OSBPL2: variants seen among roughly 807,000 people sequenced by gnomAD.
The protein encoded by OSBPL2 is oxysterol-binding protein-related protein 2.
Under a neutral mutation model 58.4 loss-of-function variants are expected in OSBPL2, and 18 were observed. The observed-to-expected ratio is 0.31, with a 90% CI of 0.21 to 0.46. The LOEUF (loss-of-function observed/expected upper bound fraction) is 0.46. Among genes scored for constraint, OSBPL2 ranks in the 20% least tolerant of loss-of-function variants. The pLI is 1.00. For missense variants in OSBPL2, 461 were observed against 616.5 expected (o/e 0.75, Z 2.67); for synonymous variants, 221 against 234.1 (o/e 0.94, Z 0.51).
At chr20:62,275,877 C>T (rs1982355986) in intron 6 of OSBPL2, among the ~76,000 whole-genome samples, 3 of 150,042 alleles carry the variant, frequency 2.0e-5, no homozygotes, top group South Asian at 2.1e-4. Context: ...TTTTGGGGCC[C>T]TTTATTGTAT....
chr20:62,267,812 C>A (rs1397004158), intron 4 of OSBPL2, among the ~76,000 whole-genome samples: 1 of 152,206 alleles, frequency 6.6e-6, no homozygotes, highest in Non-Finnish European at 1.5e-5. Flanking sequence ...GCTGAGACAG[C>A]ACATGTCTGT....
chr20:62,272,339 C>T (rs1982118359), intron 5 of OSBPL2, 80 bp downstream of exon 5: 1 of 1,521,932 alleles, frequency 6.6e-7, no homozygotes, highest in African/African-American at 1.4e-5. Flanking sequence ...TCTTGGGGCC[C>T]CAGGCATCTG....
chr20:62,241,132 C>T (rs891554182), intron 1 of OSBPL2, among the ~76,000 whole-genome samples: 6 of 152,076 alleles, frequency 3.9e-5, no homozygotes, highest in Non-Finnish European at 8.8e-5. Context: ...CCCAGTGTCT[C>T]TCCTCTGTGC....
At chr20:62,255,044 C>T (rs910722196) in intron 1 of OSBPL2, 2 of 151,670 alleles carry the variant, frequency 1.3e-5, no homozygotes, top group East Asian at 1.9e-4. Context: ...GTTTGAACCT[C>T]GGATGCTGAA....
intron 11 of OSBPL2, among the ~76,000 whole-genome samples, chr20:62,287,464 C>G (rs1983208784): frequency 6.6e-6 from 1 of 152,108 alleles, no homozygotes; most frequent in African/African-American, 2.4e-5. Context: ...ATGCTATTTT[C>G]TTTTTTAATA....
At chr20:62,275,225 G>A (rs1270173428) in intron 6 of OSBPL2, among the ~76,000 whole-genome samples, 1 of 152,186 alleles carries the variant, frequency 6.6e-6, no homozygotes, top group Non-Finnish European at 1.5e-5. Context: ...GGAACTGTCA[G>A]CATTTTGTTA....
Position 62,260,426 on chromosome 20 carries a change from A to C in OSBPL2, c.182+301A>C, listed in dbSNP as rs1223889385. On this transcript the variant is annotated intron_variant, in intron 3 of 13. Transcript: ENST00000313733. ...TTGCTGTGAGAGGATTTGGGGTGAC[A>C]CAGGCTTTGTCAGGGCCTGGCAAAC... Among the ~76,000 whole-genome samples the C allele has an allele frequency of 6.6e-5, 10 of 152,272 alleles. No individual in the cohort carries two copies. The East Asian group carries it at 1.9e-3, about 29-fold the overall frequency.
chr20:62,291,557 G>C, intron 12 of OSBPL2, 146 bp from the exon 13 acceptor site: 1 of 747,066 alleles, frequency 1.3e-6, no homozygotes. Context: ...AACTGTGATT[G>C]TGTTTGGTCT....
chr20:62,281,734 C>T, intron 8 of OSBPL2, 56 bp from the exon 9 acceptor site: 1 of 1,356,252 alleles, frequency 7.4e-7, no homozygotes, highest in Non-Finnish European at 1.1e-6. Flanking sequence ...TACAGAGTTA[C>T]CCTTTCCGGC....
chr20:62,284,206 TG>T (rs748934309), intron 10 of OSBPL2, 37 bp downstream of exon 10: 1 of 1,613,656 alleles, frequency 6.2e-7, no homozygotes, highest in East Asian at 2.2e-5. Flanking sequence ...AGCTGAGCCC[TG>T]GGTGCTGAGG....
At chr20:62,249,369 C>G (rs1980371925) in intron 1 of OSBPL2, among the ~76,000 whole-genome samples, 1 of 152,178 alleles carries the variant, frequency 6.6e-6, no homozygotes, top group South Asian at 2.1e-4. Flanking sequence ...CAGAAAACCC[C>G]AGCAAAGTTT....
chr20:62,289,288 C>G lies in OSBPL2; in HGVS notation c.1207C>G (p.Arg403Gly). 1 of 1,613,450 alleles carries G rather than the reference C, an allele frequency of 6.2e-7. No individual in the cohort carries two copies. Among genetic ancestry groups the G allele is most frequent in the Non-Finnish European group, 8.5e-7 (1 of 1,179,722 alleles). The change falls in exon 12 of 14, where the codon CGC becomes GGC. Residue 403 changes from arginine (R) to glycine (G), a missense_variant. By Grantham distance (125) the Arg-to-Gly change is moderately radical. This residue lies in a region of OSBPL2 where 319 missense variants were observed against 419.2 expected (regional missense o/e 0.76). Transcript: ENST00000313733. ...GAAGACCCTGCCACCCACGGACTGC[C>G]GCCTGCGCCCTGACATCCGCGGCAT... ...MEKTLPPTDC[R>G]LRPDIRGMEN...
intron 1 of OSBPL2, among the ~76,000 whole-genome samples, chr20:62,249,660 C>T (rs112889953): frequency 0.068 from 10,346 of 152,244 alleles, 440 homozygotes; most frequent in Non-Finnish European, 0.096. Flanking sequence ...CTGCAACCTC[C>T]GCCTCCCAGG....
chr20:62,271,347 T>C (rs1373377712), intron 4 of OSBPL2, among the ~76,000 whole-genome samples: 1 of 152,216 alleles, frequency 6.6e-6, no homozygotes, highest in Non-Finnish European at 1.5e-5. Context: ...AGCCATGTTA[T>C]GGGAGGCCTC....
At position 62,269,091 on chromosome 20, in the gene OSBPL2, G is replaced by A. The variant is rs1171234067; in HGVS notation, c.259-3034G>A. ...AAAAAAATGTTTTTTTGTAGAGACG[G>A]GGTCTCACTTTGTTGCCCAGGCTGG... On this transcript the variant is annotated intron_variant, in intron 4 of 13. Coordinates refer to ENST00000313733, the MANE Select transcript of OSBPL2 (RefSeq NM_144498.4). This position sits in a 1 kb window ranked among gnomAD's most constrained non-coding sequence, Gnocchi z 4.2. Among the ~76,000 whole-genome samples, 2 of 152,128 alleles carry A rather than the reference G, an allele frequency of 1.3e-5. No homozygotes were observed. The highest frequency in any genetic ancestry group is 4.8e-5 in the African/African-American group (2 of 41,432).
In OSBPL2 at chr20:62,293,857, G is replaced by C; in HGVS notation, c.1413G>C (p.Arg471=). Residue 471 remains arginine (R), a synonymous_variant, in exon 14 of 14, where the codon CGG becomes CGC. Coordinates refer to ENST00000313733, the MANE Select transcript of OSBPL2 (RefSeq NM_144498.4). ...DWLYAGDYFE[R]NFSDCPDIY Reference sequence around the variant, plus strand: ...TGTATGCAGGGGATTACTTTGAGCGGAATTTCTCCGACTGCCCAGATATCT... The same window carrying C: ...TGTATGCAGGGGATTACTTTGAGCGCAATTTCTCCGACTGCCCAGATATCT... 6.2e-7 allele frequency: 1 copy of C among 1,614,090 alleles called. No homozygotes were observed. The highest frequency in any genetic ancestry group is 2.2e-5 in the East Asian group (1 of 44,886).
In OSBPL2 at chr20:62,294,933, A is replaced by AT. The variant is rs1052458589; in HGVS notation, c.*1055dup. On this transcript the variant is annotated 3_prime_UTR_variant, in exon 14 of 14. Coordinates refer to ENST00000313733, the MANE Select transcript of OSBPL2 (RefSeq NM_144498.4). ...AGCATTCACCTTTATCAAGTGACTGATTTTTTTTTCTTTTCTTTCCTTTTT... is the reference window on the plus strand; with the variant it reads ...AGCATTCACCTTTATCAAGTGACTGATTTTTTTTTTCTTTTCTTTCCTTTTT... 4.2e-5 allele frequency: 6 copies of AT among 141,322 alleles called. No individual in the cohort carries two copies. Among genetic ancestry groups the AT allele is most frequent in the Middle Eastern group, 3.8e-3 (1 of 264 alleles). The allele number at this position is 141,322 out of a possible 1,614,324, so 8.8% of individuals were successfully genotyped here.
intron 2 of OSBPL2, among the ~76,000 whole-genome samples, chr20:62,257,389 T>C (rs549558889): frequency 6.6e-6 from 1 of 152,332 alleles, no homozygotes; most frequent in African/African-American, 2.4e-5. Flanking sequence ...GATGATGCGC[T>C]CCTTACCGGC....
intron 2 of OSBPL2, 110 bp downstream of exon 2, chr20:62,256,331 G>C: frequency 1.1e-6 from 1 of 929,624 alleles, no homozygotes; most frequent in Non-Finnish European, 1.7e-6. Flanking sequence ...AGCAGTGTGT[G>C]GGTGAGCGTT....
Sources: allele counts gnomAD v4.1 joint callset (sites outside exome capture counted in the v4.1 genomes callset), GRCh38; gene constraint gnomAD v4.1.1; regional missense constraint gnomAD v4.1.1; non-coding constraint Gnocchi (gnomAD v3.1); transcripts MANE v1.5; gene names NCBI Gene and HGNC (gene_info 2026-07-23, HGNC 2026-07-21).